UCK2: variants seen among roughly 807,000 people sequenced by gnomAD.
UCK2 encodes the protein cytidine monophosphokinase 2.
A neutral mutation model predicts 30.8 loss-of-function variants in UCK2; 6 were observed. That is an observed-to-expected ratio of 0.19 (90% CI 0.11 to 0.38). The LOEUF is 0.38. Among genes scored for constraint, UCK2 ranks in the 10% least tolerant of loss-of-function variants. The probability of loss-of-function intolerance (pLI) is 1.00; values close to 1 mark genes in which losing one functional copy is unlikely to be tolerated. For synonymous variants in UCK2, 125 were observed against 133.6 expected, an observed-to-expected ratio of 0.94 and a Z score of 0.45; for missense variants, 210 against 339.8, an observed-to-expected ratio of 0.62 and a Z score of 3.00.
intron 1 of UCK2, 123 bp downstream of exon 1, chr1:165,828,055 C>A: frequency 3.2e-6 from 2 of 634,148 alleles, no homozygotes; most frequent in South Asian, 1.5e-4. Flanking sequence ...CCTCCGCTCC[C>A]GGCCGCGCTC....
intron 1 of UCK2, among the ~76,000 whole-genome samples, chr1:165,883,514 G>A (rs1399712648): frequency 3.3e-5 from 5 of 152,168 alleles, no homozygotes; most frequent in African/African-American, 1.2e-4. Flanking sequence ...CACACTATTG[G>A]TCCTTGTGCT....
chr1:165,858,486 C>A (rs894686555), intron 1 of UCK2, among the ~76,000 whole-genome samples: 1 of 152,202 alleles, frequency 6.6e-6, no homozygotes, highest in Admixed American at 6.5e-5. Flanking sequence ...AAGCAACCAG[C>A]TGCTCTGATA....
chr1:165,862,490 G>T (rs1571278341), intron 1 of UCK2, among the ~76,000 whole-genome samples: 1 of 152,356 alleles, frequency 6.6e-6, no homozygotes, highest in East Asian at 1.9e-4. Context: ...CAGCCCGTCT[G>T]AAGTGCCAGC....
rs541993368 is a variant in UCK2 at position 165,832,468 on chromosome 1, G to C, written c.99+4536G>C. Among the ~76,000 whole-genome samples the C allele has an allele frequency of 5.4e-4, 82 of 152,284 alleles. 1 individual carries two copies. Among genetic ancestry groups the C allele is most frequent in the African/African-American group, 1.9e-3 (77 of 41,572 alleles). On this transcript the variant is annotated intron_variant, in intron 1 of 6. Transcript: ENST00000367879. ...TTTCTTCCACTGTGTTTATTACCAA[G>C]TCACTTTATCATTAAAGCATTTGAT...
At chr1:165,842,194 C>G (rs1039555535) in intron 1 of UCK2, among the ~76,000 whole-genome samples, 2 of 152,212 alleles carry the variant, frequency 1.3e-5, no homozygotes, top group South Asian at 2.1e-4. Context: ...TCAGTCATCT[C>G]TGGGCCCTTT....
intron 1 of UCK2, among the ~76,000 whole-genome samples, chr1:165,870,969 C>T (rs1280597120): frequency 6.6e-6 from 1 of 152,188 alleles, no homozygotes; most frequent in Admixed American, 6.5e-5. Flanking sequence ...AGGCATGTGC[C>T]ACCATGCTTG....
At chr1:165,891,380 T>G in intron 3 of UCK2, 58 bp downstream of exon 3, 2 of 1,507,166 alleles carry the variant, frequency 1.3e-6, no homozygotes, top group Non-Finnish European at 1.8e-6. Flanking sequence ...GCATCCCTGG[T>G]CTGCACTGAG....
intron 1 of UCK2, among the ~76,000 whole-genome samples, chr1:165,858,880 G>T (rs1654819864): frequency 6.6e-6 from 1 of 152,096 alleles, no homozygotes; most frequent in Non-Finnish European, 1.5e-5. Flanking sequence ...TGTGGGAGCG[G>T]GTCCTGTTTT....
At chr1:165,842,363 TG>T (rs1177421936) in intron 1 of UCK2, among the ~76,000 whole-genome samples, 3 of 152,200 alleles carry the variant, frequency 2.0e-5, no homozygotes, top group Non-Finnish European at 4.4e-5. Flanking sequence ...CAGCTGTCAC[TG>T]GGCATTTCCA....
rs2101851698 is a variant in UCK2 at position 165,840,401 on chromosome 1, A to G, written c.99+12469A>G. On this transcript the variant is annotated intron_variant, in intron 1 of 6. Transcript: ENST00000367879. Reference sequence around the variant, plus strand: ...TTTTTTTGTGGTGAGAACAATTGAAATCTACTCTCTTGGCAATTTTCAAGT... The same window carrying G: ...TTTTTTTGTGGTGAGAACAATTGAAGTCTACTCTCTTGGCAATTTTCAAGT... Among the ~76,000 whole-genome samples, 3 of 152,302 alleles carry G rather than the reference A, an allele frequency of 2.0e-5. No individual in the cohort carries two copies. In the South Asian group the frequency reaches 6.2e-4, roughly 32 times the overall value.
intron 1 of UCK2, among the ~76,000 whole-genome samples, chr1:165,841,025 G>A (rs1654315728): frequency 6.6e-6 from 1 of 151,956 alleles, no homozygotes; most frequent in East Asian, 1.9e-4. Context: ...GCAAGGTAGT[G>A]TTTGACCAAT....
chr1:165,900,931 T>C (rs1647438286), intron 4 of UCK2, among the ~76,000 whole-genome samples: 1 of 152,242 alleles, frequency 6.6e-6, no homozygotes, highest in Non-Finnish European at 1.5e-5. Flanking sequence ...CCTTTTGATC[T>C]GGTTTCCTTT....
intron 1 of UCK2, among the ~76,000 whole-genome samples, chr1:165,861,300 TAGC>T (rs899364928): frequency 2.0e-5 from 3 of 152,044 alleles, no homozygotes; most frequent in African/African-American, 7.2e-5. Flanking sequence ...ATGCCAACCT[TAGC>T]AGCAACTTTT....
chr1:165,862,833 C>G (rs1335916131), intron 1 of UCK2, among the ~76,000 whole-genome samples: 1 of 152,166 alleles, frequency 6.6e-6, no homozygotes, highest in Non-Finnish European at 1.5e-5. Context: ...TGGATACCTT[C>G]CCTTTCACTT....
At chr1:165,891,478 G>A in intron 3 of UCK2, 156 bp downstream of exon 3, 1 of 648,130 alleles carries the variant, frequency 1.5e-6, no homozygotes, top group Non-Finnish European at 2.7e-6. Context: ...GGTGGTGGCA[G>A]CAGTGTGTGC....
chr1:165,899,489 A>G (rs1647384192), intron 4 of UCK2, among the ~76,000 whole-genome samples: 1 of 152,146 alleles, frequency 6.6e-6, no homozygotes, highest in South Asian at 2.1e-4. Flanking sequence ...AAAGTGATTG[A>G]CTTCACCATT....
chr1:165,884,783 C>A (rs975629143), intron 1 of UCK2, among the ~76,000 whole-genome samples: 16 of 152,176 alleles, frequency 1.1e-4, no homozygotes, highest in Non-Finnish European at 1.8e-4. Flanking sequence ...AATACAGGAA[C>A]CTATGCTGGC....
At chr1:165,842,982 G>T (rs1268027478) in intron 1 of UCK2, among the ~76,000 whole-genome samples, 1 of 152,160 alleles carries the variant, frequency 6.6e-6, no homozygotes, top group African/African-American at 2.4e-5. Flanking sequence ...TGCCTCTTTT[G>T]TGTGGTCACT....
intron 1 of UCK2, among the ~76,000 whole-genome samples, chr1:165,873,904 C>T (rs1655266861): frequency 6.6e-6 from 1 of 152,160 alleles, no homozygotes; most frequent in Non-Finnish European, 1.5e-5. Flanking sequence ...AGCTATTTCT[C>T]TGTGATTTTA....
Sources: allele counts gnomAD v4.1 joint callset (sites outside exome capture counted in the v4.1 genomes callset), GRCh38; gene constraint gnomAD v4.1.1; transcripts MANE v1.5; gene names NCBI Gene and HGNC (gene_info 2026-07-23, HGNC 2026-07-21).